EEPD1: variants seen among roughly 807,000 people sequenced by gnomAD.
EEPD1 encodes the protein endonuclease/exonuclease/phosphatase family domain-containing protein 1.
EEPD1 carries 17 observed loss-of-function variants against 46.3 expected under a neutral mutation model. The ratio of observed to expected loss-of-function variants is 0.37; its 90% CI spans 0.25 to 0.55. The LOEUF is 0.55. Ranked by LOEUF, EEPD1 falls within the 20% of genes least tolerant of loss-of-function variation. The pLI is 0.83. For synonymous variants in EEPD1, 313 were observed against 315.6 expected, an observed-to-expected ratio of 0.99 and a Z score of 0.09; for missense variants, 673 against 745.6, an observed-to-expected ratio of 0.90 and a Z score of 1.13.
At position 36,160,676 on chromosome 7, in the gene EEPD1, T is replaced by TGGTG. The variant is rs1554308582; in HGVS notation, c.878+5476_878+5477insTGGG. ...AGATAGTCTGACTGCTGGGAGGTGG[T>TGGTG]GGGGGGCGGGGCGTGCATGGAGAGG... On this transcript the variant is annotated intron_variant, in intron 2 of 7. Transcript: ENST00000242108. Among the ~76,000 whole-genome samples, 272 of 36,468 alleles carry TGGTG rather than the reference T, an allele frequency of 7.5e-3. 3 individuals are homozygous for TGGTG. Among genetic ancestry groups the TGGTG allele is most frequent in the African/African-American group, 0.025 (250 of 9,914 alleles). The allele number at this position is 36,468 out of a possible 152,430, so 23.9% of individuals were successfully genotyped here. A position where few individuals can be genotyped will look rare whatever the true frequency, so the allele number is the denominator to read the frequency against.
At chr7:36,158,542 T>G (rs183330706) in intron 2 of EEPD1, among the ~76,000 whole-genome samples, 24 of 152,314 alleles carry the variant, frequency 1.6e-4, no homozygotes, top group South Asian at 6.2e-4. Flanking sequence ...TATAAGAAAC[T>G]GTTTTGCAAG....
chr7:36,243,634 A>G (rs950118151), intron 3 of EEPD1, among the ~76,000 whole-genome samples: 2 of 152,170 alleles, frequency 1.3e-5, no homozygotes, highest in Non-Finnish European at 2.9e-5. Flanking sequence ...CTCCTCTTTT[A>G]AGATGGAAGC....
intron 2 of EEPD1, among the ~76,000 whole-genome samples, chr7:36,159,394 C>T (rs910733338): frequency 8.5e-5 from 13 of 152,174 alleles, no homozygotes; most frequent in Admixed American, 5.9e-4. Context: ...TGCAGCCAGA[C>T]GTAACATCTG....
chr7:36,217,312 TC>T (rs1211682673), intron 2 of EEPD1, among the ~76,000 whole-genome samples: 1 of 152,236 alleles, frequency 6.6e-6, no homozygotes, highest in Non-Finnish European at 1.5e-5. Flanking sequence ...TAGGGTAACT[TC>T]CTATAAACTG....
chr7:36,284,846 G>A (rs758989171), intron 5 of EEPD1, 26 bp downstream of exon 5: 38 of 1,438,990 alleles, frequency 2.6e-5, no homozygotes, highest in Middle Eastern at 1.9e-4. Flanking sequence ...CGTCTGTGAC[G>A]TGGAATCTGC....
chr7:36,208,933 C>T (rs1268278496), intron 2 of EEPD1, among the ~76,000 whole-genome samples: 1 of 152,176 alleles, frequency 6.6e-6, no homozygotes, highest in African/African-American at 2.4e-5. Context: ...TTAACAAGCT[C>T]CTGGGTGATC....
Position 36,251,499 on chromosome 7 carries a change from G to A in EEPD1, c.930+12463G>A, listed in dbSNP as rs550351739. 9.9e-5 allele frequency among the ~76,000 whole-genome samples: 15 copies of A among 152,256 alleles called. No homozygotes were observed. In the South Asian group the frequency reaches 2.5e-3, roughly 25 times the overall value. On this transcript the variant is annotated intron_variant, in intron 3 of 7. Transcript: ENST00000242108. The stretch of plus-strand genomic sequence containing the variant: ...CTAATTTTGTATTTTTAGTAGAGAC[G>A]GAGTTTCTCCATGTTGGTCAGGCTG...
At chr7:36,214,180 AG>A (rs1450778444) in intron 2 of EEPD1, among the ~76,000 whole-genome samples, 1 of 152,204 alleles carries the variant, frequency 6.6e-6, no homozygotes, top group Non-Finnish European at 1.5e-5. Context: ...TCCAGAGCAC[AG>A]GTGGGTTCAC....
chr7:36,206,447 A>T (rs561613645), intron 2 of EEPD1, among the ~76,000 whole-genome samples: 3 of 152,234 alleles, frequency 2.0e-5, no homozygotes, highest in African/African-American at 7.2e-5. Flanking sequence ...TGTACTCTTC[A>T]ACATCTCAAC....
Position 36,294,017 on chromosome 7 carries a change from G to A in EEPD1, c.1316-2976G>A, listed in dbSNP as rs74883856. ...TTTGAAGCACATCCATCTCCAGGAT[G>A]TACTGATAAGAAAAAAAAAAGTAGG... is the stretch of plus-strand genomic sequence containing the variant. On this transcript the variant is annotated intron_variant, in intron 6 of 7. Transcript: ENST00000242108. Among the ~76,000 whole-genome samples the A allele has an allele frequency of 1.3e-3, 201 of 151,920 alleles. 1 individual carries two copies. Among genetic ancestry groups the A allele is most frequent in the African/African-American group, 4.2e-3 (172 of 41,428 alleles).
intron 2 of EEPD1, among the ~76,000 whole-genome samples, chr7:36,226,495 AAAACTT>A (rs1299162946): frequency 6.6e-6 from 1 of 152,208 alleles, no homozygotes; most frequent in Non-Finnish European, 1.5e-5. Flanking sequence ...ATTAATATGA[AAAACTT>A]AAAGTGAACA....
intron 2 of EEPD1, among the ~76,000 whole-genome samples, chr7:36,226,311 G>A (rs1189411698): frequency 1.3e-5 from 2 of 152,148 alleles, no homozygotes; most frequent in Non-Finnish European, 1.5e-5. Flanking sequence ...CCGCCATTCC[G>A]AGAGGCTTAT....
At chr7:36,166,782 C>T (rs1238108557) in intron 2 of EEPD1, among the ~76,000 whole-genome samples, 1 of 152,146 alleles carries the variant, frequency 6.6e-6, no homozygotes, top group African/African-American at 2.4e-5. Flanking sequence ...ACAAAAGTCC[C>T]TTCCAATCCT....
chr7:36,271,554 G>T (rs1787102257), intron 3 of EEPD1, among the ~76,000 whole-genome samples: 1 of 152,028 alleles, frequency 6.6e-6, no homozygotes, highest in African/African-American at 2.4e-5. Context: ...CTCCCATTCT[G>T]TAGGTTGCCT....
chr7:36,269,862 C>T (rs527921124), intron 3 of EEPD1, among the ~76,000 whole-genome samples: 2 of 152,182 alleles, frequency 1.3e-5, no homozygotes, highest in East Asian at 1.9e-4. Context: ...AAAATCATTT[C>T]GAACATGAGA....
intron 2 of EEPD1, among the ~76,000 whole-genome samples, chr7:36,234,179 A>C (rs967556731): frequency 1.3e-5 from 2 of 152,086 alleles, no homozygotes; most frequent in Non-Finnish European, 2.9e-5. Flanking sequence ...TTGTTCTCCC[A>C]AAGTGCTGGA....
intron 5 of EEPD1, 142 bp downstream of exon 5, chr7:36,284,962 C>T: frequency 2.5e-6 from 3 of 1,212,724 alleles, no homozygotes; most frequent in Middle Eastern, 2.6e-4. Context: ...AGATTTTTGT[C>T]TCTCCTGGGG....
In EEPD1 at chr7:36,176,804, T is replaced by A. The variant is rs551083370; in HGVS notation, c.878+21602T>A. Among the ~76,000 whole-genome samples, 3 of 152,152 alleles carry A rather than the reference T, an allele frequency of 2.0e-5. No individual in the cohort carries two copies. In the East Asian group the frequency reaches 5.8e-4, roughly 29 times the overall value. The stretch of plus-strand genomic sequence containing the variant: ...CAAAAGCAGAATAAATCCTTTACGG[T>A]GAGGAAAAAGAAGTGGGAGGGAAAT... On this transcript the variant is annotated intron_variant, in intron 2 of 7. Coordinates refer to ENST00000242108, the MANE Select transcript of EEPD1 (RefSeq NM_030636.3).
intron 2 of EEPD1, among the ~76,000 whole-genome samples, chr7:36,184,626 A>G (rs1785331223): frequency 6.6e-6 from 1 of 152,186 alleles, no homozygotes; most frequent in Non-Finnish European, 1.5e-5. Context: ...GTTCTTTCGT[A>G]ACTAGGCAGT....
Sources: gnomAD v4.1 joint callset for allele counts (sites outside exome capture counted in the v4.1 genomes callset) on GRCh38, gnomAD v4.1.1 for gene constraint, MANE v1.5 for transcripts, NCBI Gene and HGNC (gene_info 2026-07-23, HGNC 2026-07-21) for gene names.